TTC7A: variants seen among roughly 807,000 people sequenced by gnomAD.
TTC7A encodes tetratricopeptide repeat domain 7A.
A neutral mutation model predicts 103.7 loss-of-function variants in TTC7A; 110 were observed. The observed-to-expected ratio is 1.06, with a 90% CI of 0.91 to 1.24. TTC7A has a LOEUF of 1.24. Ranked by LOEUF, TTC7A falls within the 50% of genes most tolerant of loss-of-function variation. The probability of loss-of-function intolerance (pLI) is 0.00; values close to 1 mark genes in which losing one functional copy is unlikely to be tolerated. For synonymous variants in TTC7A, 521 were observed against 467.9 expected (o/e 1.11, Z -1.47); for missense variants, 1,340 against 1,116.3 (o/e 1.20, Z -2.86).
At chr2:46,923,130 T>A (rs1669192768) in intron 2 of TTC7A, among the ~76,000 whole-genome samples, 1 of 152,230 alleles carries the variant, frequency 6.6e-6, no homozygotes, top group Non-Finnish European at 1.5e-5. Flanking sequence ...GTCTTCTCAT[T>A]CATCTTCCTG....
intron 19 of TTC7A, chr2:47,071,082 G>A (rs1449456169): frequency 6.6e-6 from 1 of 152,352 alleles, no homozygotes; most frequent in Non-Finnish European, 1.5e-5. Context: ...GGGGTGCCAG[G>A]AGGATTGTCT....
chr2:47,069,058 A>G (rs948345620), intron 19 of TTC7A, among the ~76,000 whole-genome samples: 4 of 151,996 alleles, frequency 2.6e-5, no homozygotes, highest in African/African-American at 9.7e-5. Flanking sequence ...ACTCACTTCT[A>G]GAACCCGGGA....
At chr2:46,921,801 G>T (rs372581388) in intron 2 of TTC7A, among the ~76,000 whole-genome samples, 24 of 152,102 alleles carry the variant, frequency 1.6e-4, no homozygotes, top group African/African-American at 5.8e-4. Context: ...GTGCAACCTA[G>T]ATCCCTTACA....
intron 8 of TTC7A, chr2:46,999,601 G>A (rs1676583031): frequency 3.0e-6 from 3 of 985,420 alleles, no homozygotes; most frequent in East Asian, 1.1e-4. Flanking sequence ...CAGGGATGTG[G>A]AGGAAACCCT....
chr2:47,044,048 A>G (rs1682048734), intron 15 of TTC7A, among the ~76,000 whole-genome samples: 1 of 151,744 alleles, frequency 6.6e-6, no homozygotes, highest in South Asian at 2.1e-4. Context: ...AGCTGTCCCC[A>G]GGAACCAGCC....
chr2:46,995,097 G>C lies in TTC7A; in HGVS notation c.1002-39G>C. 1.9e-6 allele frequency: 3 copies of C among 1,606,828 alleles called. No individual in the cohort carries two copies. In the African/African-American group the frequency reaches 4.0e-5, roughly 21 times the overall value. On this transcript the variant is annotated intron_variant, in intron 7 of 19. Coordinates refer to ENST00000319190, the MANE Select transcript of TTC7A (RefSeq NM_020458.4). ...TGGGTCAGTGGTGCTGTCTGGTGAG[G>C]TGTGTGCTCTAGCCAGGCCTGTCAT...
intron 4 of TTC7A, among the ~76,000 whole-genome samples, chr2:46,976,224 C>T (rs1322450963): frequency 6.6e-6 from 1 of 152,200 alleles, no homozygotes; most frequent in Admixed American, 6.5e-5. Flanking sequence ...TGGATGAAAT[C>T]GGTCCTGTTG....
Position 47,060,795 on chromosome 2 carries a change from C to G in TTC7A, c.2179C>G (p.Leu727Val), listed in dbSNP as rs778280706. The change falls in exon 19 of 20, where the codon CTC (leucine) becomes GTC (valine). Residue 727 changes from leucine (L) to valine (V), a missense_variant. Physicochemically the swap from Leu to Val is conservative, Grantham distance 32. Coordinates refer to ENST00000319190, the MANE Select transcript of TTC7A (RefSeq NM_020458.4). ...AAELFMEQQH[L>V]KEAGFCIQEA... is the part of the protein sequence containing the mutation. ...TGAGCTGTTCATGGAGCAGCAGCAC[C>G]TCAAGGAAGCAGGTTTCTGCATCCA... is the stretch of plus-strand genomic sequence containing the variant. 4.3e-6 allele frequency: 7 copies of G among 1,612,050 alleles called. No individual in the cohort carries two copies. The African/African-American group carries it at 9.3e-5, about 22-fold the overall frequency.
At chr2:47,006,205 C>G (rs1014511309) in intron 9 of TTC7A, 146 bp downstream of exon 9, 15 of 1,119,896 alleles carry the variant, frequency 1.3e-5, no homozygotes, top group African/African-American at 1.1e-4. Context: ...GTACAAGTCT[C>G]AGCTTCCTCA....
intron 15 of TTC7A, among the ~76,000 whole-genome samples, chr2:47,038,510 C>T (rs1031717567): frequency 2.6e-5 from 4 of 152,182 alleles, no homozygotes; most frequent in Non-Finnish European, 5.9e-5. Flanking sequence ...TATGTGTTTT[C>T]TATAAAAATA....
At chr2:46,982,081 G>T (rs184725047) in intron 5 of TTC7A, among the ~76,000 whole-genome samples, 1 of 152,350 alleles carries the variant, frequency 6.6e-6, no homozygotes, top group Non-Finnish European at 1.5e-5. Context: ...GGAAAGAATA[G>T]GGTGGAAGGA....
chr2:47,020,397 G>A (rs963519514), intron 11 of TTC7A, among the ~76,000 whole-genome samples: 1 of 152,242 alleles, frequency 6.6e-6, no homozygotes, highest in Non-Finnish European at 1.5e-5. Flanking sequence ...CTGGCCGGCT[G>A]AGGCTGAGCT....
At chr2:46,987,567 C>T (rs1224078507) in intron 5 of TTC7A, among the ~76,000 whole-genome samples, 1 of 152,212 alleles carries the variant, frequency 6.6e-6, no homozygotes, top group Non-Finnish European at 1.5e-5. Flanking sequence ...CTTCCTTCCG[C>T]CTAGACCTGG....
intron 2 of TTC7A, among the ~76,000 whole-genome samples, chr2:46,925,632 G>T (rs543043392): frequency 2.0e-5 from 3 of 152,140 alleles, no homozygotes; most frequent in Non-Finnish European, 4.4e-5. Flanking sequence ...CTCATTTGAT[G>T]TGAAAAGGCA....
intron 3 of TTC7A, among the ~76,000 whole-genome samples, chr2:46,972,760 C>G (rs1251590968): frequency 6.6e-6 from 1 of 152,192 alleles, no homozygotes; most frequent in Non-Finnish European, 1.5e-5. Context: ...GGGAAGTGTG[C>G]ATGTAAAATG....
At chr2:47,046,061 C>A (rs184736621) in intron 15 of TTC7A, among the ~76,000 whole-genome samples, 3 of 152,188 alleles carry the variant, frequency 2.0e-5, no homozygotes, top group African/African-American at 4.8e-5. Context: ...TCAGGGGACA[C>A]GGGGCATCAG....
At chr2:46,954,635 G>T (rs904587972) in intron 2 of TTC7A, among the ~76,000 whole-genome samples, 1 of 142,978 alleles carries the variant, frequency 7.0e-6, no homozygotes, top group Non-Finnish European at 1.5e-5. Context: ...ACAGTGGCAC[G>T]ATCTTGGCTC....
intron 3 of TTC7A, among the ~76,000 whole-genome samples, chr2:46,972,537 C>A (rs1005940346): frequency 2.6e-5 from 4 of 152,186 alleles, no homozygotes; most frequent in Admixed American, 6.5e-5. Flanking sequence ...GTGGAAAGAG[C>A]GACAATTCTA....
At chr2:47,031,530 C>T (rs1344245513) in intron 15 of TTC7A, among the ~76,000 whole-genome samples, 1 of 152,190 alleles carries the variant, frequency 6.6e-6, no homozygotes, top group Non-Finnish European at 1.5e-5. Flanking sequence ...GGAAAGGGCT[C>T]TTTGTCCACC....
Sources: allele counts gnomAD v4.1 joint callset (sites outside exome capture counted in the v4.1 genomes callset), GRCh38; gene constraint gnomAD v4.1.1; transcripts MANE v1.5; gene names NCBI Gene and HGNC (gene_info 2026-07-23, HGNC 2026-07-21).